TYW1B: variants seen among roughly 807,000 people sequenced by gnomAD.
TYW1B encodes the protein S-adenosyl-L-methionine-dependent tRNA 4-demethylwyosine synthase TYW1B.
TYW1B carries 73 observed loss-of-function variants against 86.9 expected under a neutral mutation model. The observed-to-expected ratio is 0.84, with a 90% CI of 0.70 to 1.02. The LOEUF is 1.02. TYW1B is among the 50% of genes least tolerant of loss of function. TYW1B has a pLI of 0.00. For synonymous variants in TYW1B, 248 were observed against 292.8 expected (o/e 0.85, Z 1.56); for missense variants, 637 against 827.4 (o/e 0.77, Z 2.82).
At chr7:72,587,466 C>T (rs1554430687) in intron 13 of TYW1B, among the ~76,000 whole-genome samples, 1 of 152,086 alleles carries the variant, frequency 6.6e-6, no homozygotes, top group African/African-American at 2.4e-5. Context: ...AGCCAGTGAG[C>T]CAGGAGTGCT....
chr7:72,783,410 A>G (rs1428361516), intron 6 of TYW1B, among the ~76,000 whole-genome samples: 2 of 149,194 alleles, frequency 1.3e-5, no homozygotes, highest in Non-Finnish European at 3.0e-5. Flanking sequence ...AGAAACTTTT[A>G]TTCATGTTTA....
intron 13 of TYW1B, among the ~76,000 whole-genome samples, chr7:72,594,717 T>C (rs1259761523): frequency 3.9e-5 from 6 of 152,118 alleles, no homozygotes; most frequent in Non-Finnish European, 8.8e-5. Context: ...AAACTGTATA[T>C]GAATATCACT....
At chr7:72,760,720 T>C (rs1787672205) in intron 7 of TYW1B, among the ~76,000 whole-genome samples, 1 of 152,162 alleles carries the variant, frequency 6.6e-6, no homozygotes, top group Non-Finnish European at 1.5e-5. Context: ...AAATAAAAAT[T>C]AAAATATCTT....
rs2129572708 is a variant in TYW1B, at chr7:72,810,614, G to A, written c.289C>T (p.Leu97=). The A allele has an allele frequency of 2.5e-6, 4 of 1,613,866 alleles. No individual in the cohort carries two copies. In the South Asian group the frequency reaches 3.3e-5, roughly 13 times the overall value. ...AACCACTCTGCACTTTCGGTTGGTA[G>A]GCCGTCAGTGTATGTCGCAACCAGG... is the stretch of plus-strand genomic sequence containing the variant. ...VFLVATYTDG[L]PTESAEWFCK... is the part of the protein sequence containing the mutation. The change falls in exon 4 of 14, where the codon CTA becomes TTA. Residue 97 remains leucine, a synonymous_variant. Coordinates refer to ENST00000620995, the MANE Select transcript of TYW1B (RefSeq NM_001145440.3).
chr7:72,725,280 G>C (rs56289895), intron 9 of TYW1B, among the ~76,000 whole-genome samples: 2 of 151,938 alleles, frequency 1.3e-5, no homozygotes, highest in Admixed American at 6.6e-5. Flanking sequence ...CATCCCAGCA[G>C]AAAGAAATGA....
intron 11 of TYW1B, among the ~76,000 whole-genome samples, chr7:72,686,536 G>T (rs1554449433): frequency 6.6e-6 from 1 of 152,148 alleles, no homozygotes; most frequent in African/African-American, 2.4e-5. Flanking sequence ...TCCATCCATG[G>T]TTGCCAGGGA....
chr7:72,691,314 T>C (rs782666477), intron 11 of TYW1B, among the ~76,000 whole-genome samples: 33 of 152,194 alleles, frequency 2.2e-4, no homozygotes, highest in African/African-American at 7.7e-4. Context: ...TGCTACAAAA[T>C]GCTCAGAAAG....
At chr7:72,687,875 C>G (rs1814046989) in intron 11 of TYW1B, among the ~76,000 whole-genome samples, 1 of 151,832 alleles carries the variant, frequency 6.6e-6, no homozygotes, top group Non-Finnish European at 1.5e-5. Flanking sequence ...GGGCAACAAA[C>G]AAGAACCCAT....
intron 13 of TYW1B, among the ~76,000 whole-genome samples, chr7:72,594,384 C>T (rs868922314): frequency 4.2e-4 from 62 of 148,496 alleles, no homozygotes; most frequent in African/African-American, 8.2e-4. Context: ...AACAATGGTA[C>T]GCCAACAAAT....
intron 7 of TYW1B, among the ~76,000 whole-genome samples, chr7:72,772,997 A>G (rs1787893710): frequency 6.6e-6 from 1 of 152,228 alleles, no homozygotes; most frequent in Non-Finnish European, 1.5e-5. Context: ...ACTGAGTCCA[A>G]CTGAATAACT....
chr7:72,692,481 T>A lies in TYW1B; in HGVS notation c.1506+2206A>T, dbSNP rs532602187. ...GTGAGCTATGATGGTGCCACTGTGTTCTAGCTTTGGTGACAGAGCAAGACC... is the reference window on the plus strand; with the variant it reads ...GTGAGCTATGATGGTGCCACTGTGTACTAGCTTTGGTGACAGAGCAAGACC... On this transcript the variant is annotated intron_variant, in intron 11 of 13. Transcript: ENST00000620995. Among the ~76,000 whole-genome samples the A allele has an allele frequency of 1.5e-4, 23 of 152,204 alleles. No individual in the cohort carries two copies. In the East Asian group the frequency reaches 4.2e-3, roughly 28 times the overall value.
chr7:72,613,155 G>A (rs187486598), intron 13 of TYW1B, among the ~76,000 whole-genome samples: 1 of 152,202 alleles, frequency 6.6e-6, no homozygotes, highest in East Asian at 1.9e-4. Context: ...CCAAATTGAA[G>A]GTGACTACAG....
intron 6 of TYW1B, among the ~76,000 whole-genome samples, chr7:72,786,231 C>T (rs879961863): frequency 1.3e-5 from 2 of 152,110 alleles, no homozygotes; most frequent in Admixed American, 6.6e-5. Context: ...TCTATTTGAA[C>T]ACTCTGCTGT....
chr7:72,628,878 G>A lies in TYW1B; in HGVS notation c.1617+9C>T, dbSNP rs1812416242. On this transcript the variant is annotated intron_variant, in intron 12 of 13. Coordinates refer to ENST00000620995, the MANE Select transcript of TYW1B (RefSeq NM_001145440.3). ...TCCACCACGGCCACCAGAGTCAGCA[G>A]GGGCTTACCTTCACTTCGATGAAGT... The A allele has an allele frequency of 6.3e-7, 1 of 1,578,058 alleles. No individual in the cohort carries two copies. Among genetic ancestry groups the A allele is most frequent in the African/African-American group, 1.4e-5 (1 of 73,426 alleles).
At chr7:72,759,151 C>T (rs1377956108) in intron 7 of TYW1B, among the ~76,000 whole-genome samples, 2 of 152,054 alleles carry the variant, frequency 1.3e-5, no homozygotes, top group African/African-American at 2.4e-5. Flanking sequence ...AGCAACATGG[C>T]GAAACCTCGT....
intron 11 of TYW1B, among the ~76,000 whole-genome samples, chr7:72,670,494 T>C (rs1585891040): frequency 6.6e-6 from 1 of 152,322 alleles, no homozygotes. Flanking sequence ...TCTGGCCTCA[T>C]GTGTTATCAT....
chr7:72,684,206 C>T (rs782411083), intron 11 of TYW1B, among the ~76,000 whole-genome samples: 1 of 151,964 alleles, frequency 6.6e-6, no homozygotes, highest in African/African-American at 2.4e-5. Flanking sequence ...TAATGTCAGG[C>T]CCCAAACCAC....
At chr7:72,763,523 C>A (rs1012240851) in intron 7 of TYW1B, among the ~76,000 whole-genome samples, 1 of 152,006 alleles carries the variant, frequency 6.6e-6, no homozygotes, top group East Asian at 1.9e-4. Flanking sequence ...ACCTTGTGAT[C>A]CACCCGCCTC....
At chr7:72,743,850 A>C (rs528916103) in intron 8 of TYW1B, among the ~76,000 whole-genome samples, 15 of 151,890 alleles carry the variant, frequency 9.9e-5, no homozygotes, top group Non-Finnish European at 1.5e-4. Context: ...ATCTCAAAAA[A>C]AAAAAAAAAG....
Sources: gnomAD v4.1 joint callset for allele counts (sites outside exome capture counted in the v4.1 genomes callset) on GRCh38, gnomAD v4.1.1 for gene constraint, MANE v1.5 for transcripts, NCBI Gene and HGNC (gene_info 2026-07-23, HGNC 2026-07-21) for gene names.